Variants in FDX1 observed in about 807,000 individuals in gnomAD.
The protein encoded by FDX1 is adrenodoxin, mitochondrial.
FDX1 carries 9 observed loss-of-function variants against 14.9 expected under a neutral mutation model. The ratio of observed to expected loss-of-function variants is 0.60; its 90% confidence interval spans 0.36 to 1.05. The LOEUF is 1.05. FDX1 is among the 50% of genes least tolerant of loss of function. The probability of loss-of-function intolerance (pLI) is 0.01; values close to 1 mark genes in which losing one functional copy is unlikely to be tolerated. For missense variants in FDX1, 204 were observed against 237.2 expected, an observed-to-expected ratio of 0.86 and a Z score of 0.92; for synonymous variants, 92 against 99.4, an observed-to-expected ratio of 0.93 and a Z score of 0.44.
intron 2 of FDX1, among the ~76,000 whole-genome samples, chr11:110,453,549 T>C (rs1292639043): frequency 6.6e-6 from 1 of 151,204 alleles, no homozygotes; most frequent in Non-Finnish European, 1.5e-5. Flanking sequence ...ATTTACCTTA[T>C]TTTTGCAGGT....
At chr11:110,432,666 A>G (rs1946339364) in intron 1 of FDX1, among the ~76,000 whole-genome samples, 1 of 152,114 alleles carries the variant, frequency 6.6e-6, no homozygotes, top group African/African-American at 2.4e-5. Flanking sequence ...ATGAGATTTC[A>G]CTATGTTGAC....
chr11:110,429,905 C>A, upstream of FDX1: 2 of 337,194 alleles, frequency 5.9e-6, no homozygotes, highest in Non-Finnish European at 1.1e-5. Context: ...CGGGGCGGGG[C>A]CGCGCTCTGC....
intron 2 of FDX1, among the ~76,000 whole-genome samples, chr11:110,455,133 A>C (rs1441885658): frequency 6.6e-6 from 1 of 152,054 alleles, no homozygotes; most frequent in Non-Finnish European, 1.5e-5. Flanking sequence ...CAGCCTCCCG[A>C]GTAGCTGGGA....
intron 2 of FDX1, among the ~76,000 whole-genome samples, chr11:110,437,086 C>T (rs183598424): frequency 6.2e-4 from 95 of 152,322 alleles, no homozygotes; most frequent in African/African-American, 2.1e-3. Context: ...GCCTCGACCT[C>T]CTGGACTCAA....
chr11:110,436,720 G>A (rs1034346264), intron 2 of FDX1, among the ~76,000 whole-genome samples: 1 of 152,022 alleles, frequency 6.6e-6, no homozygotes, highest in African/African-American at 2.4e-5. Flanking sequence ...GGTTCAAGGA[G>A]CGTATCTGAC....
At position 110,463,433 on chromosome 11, in the gene FDX1, G is replaced by GT. The variant is rs1274597211; in HGVS notation, c.*966dup. 2.0e-5 allele frequency: 3 copies of GT among 152,214 alleles called. No homozygotes were observed. Among genetic ancestry groups the GT allele is most frequent in the Non-Finnish European group, 4.4e-5 (3 of 68,048 alleles). 9.4% of individuals were successfully genotyped at this position (152,214 alleles called of 1,614,324 possible). ...AGTGGCAAGCACCACAGATTACCAC[G>GT]TATGTGTGGAAGACATTCGTACTCT... is the stretch of plus-strand genomic sequence containing the variant. On this transcript the variant is annotated 3_prime_UTR_variant, in exon 4 of 4. Coordinates refer to ENST00000260270, the MANE Select transcript of FDX1 (RefSeq NM_004109.5).
At position 110,456,754 on chromosome 11, in the gene FDX1, C is replaced by G. The variant is rs141189026; in HGVS notation, c.311-164C>G. On this transcript the variant is annotated intron_variant, in intron 2 of 3. Transcript: ENST00000260270. ...CGAACTCTGACCTCAAGTGATCTGC[C>G]TGCTTTGGCCTCCTAAAGTGCTGGG... Among the ~76,000 whole-genome samples the G allele has an allele frequency of 3.3e-5, 5 of 152,172 alleles. No individual in the cohort carries two copies. The East Asian group carries it at 9.6e-4, about 29-fold the overall frequency.
upstream of FDX1, among the ~76,000 whole-genome samples, chr11:110,429,398 T>C (rs1402673859): frequency 2.0e-5 from 3 of 152,292 alleles, no homozygotes; most frequent in East Asian, 5.8e-4. Context: ...GAAAGTCTTT[T>C]AGAGATCTCA....
intron 2 of FDX1, among the ~76,000 whole-genome samples, chr11:110,447,645 A>G (rs1262504082): frequency 6.6e-6 from 1 of 151,610 alleles, no homozygotes; most frequent in East Asian, 1.9e-4. Flanking sequence ...CAAAATTCCT[A>G]CCTTTGAGAC....
At chr11:110,460,391 C>T (rs577832231) in intron 3 of FDX1, among the ~76,000 whole-genome samples, 44 of 152,214 alleles carry the variant, frequency 2.9e-4, no homozygotes, top group Non-Finnish European at 5.9e-4. Flanking sequence ...TCCTTGTTTA[C>T]GCTGTGCAGC....
chr11:110,446,005 A>G (rs1946447647), intron 2 of FDX1, among the ~76,000 whole-genome samples: 1 of 152,236 alleles, frequency 6.6e-6, no homozygotes, highest in South Asian at 2.1e-4. Flanking sequence ...TTTAATGTAA[A>G]TTTAAAAATT....
chr11:110,438,451 A>G (rs1226583654), intron 2 of FDX1, among the ~76,000 whole-genome samples: 1 of 151,930 alleles, frequency 6.6e-6, no homozygotes, highest in Non-Finnish European at 1.5e-5. Context: ...TTTTTGACAC[A>G]AAGTCTCACT....
rs1475349902 is a variant in FDX1, at chr11:110,461,445, T to C, written c.441-909T>C. Among the ~76,000 whole-genome samples, 3 of 141,676 alleles carry C rather than the reference T, an allele frequency of 2.1e-5. No homozygotes were observed. In the East Asian group the frequency reaches 6.1e-4, roughly 29 times the overall value. 92.9% of individuals were successfully genotyped at this position (141,676 alleles called of 152,430 possible). A position where few individuals can be genotyped will look rare whatever the true frequency, so the allele number is the denominator to read the frequency against. ...TGGGAGGTGGAGGTTAACAGTGAGC[T>C]GAAATCATGCCAGTGCACTCCAGCC... is the stretch of plus-strand genomic sequence containing the variant. On this transcript the variant is annotated intron_variant, in intron 3 of 3. Coordinates refer to ENST00000260270, the MANE Select transcript of FDX1 (RefSeq NM_004109.5).
intron 2 of FDX1, among the ~76,000 whole-genome samples, chr11:110,446,979 A>T (rs1157102367): frequency 6.6e-6 from 1 of 152,208 alleles, no homozygotes; most frequent in Non-Finnish European, 1.5e-5. Flanking sequence ...GTTTGAGACC[A>T]GCCTGGGCAA....
At chr11:110,447,402 C>T (rs938860746) in intron 2 of FDX1, among the ~76,000 whole-genome samples, 4 of 151,476 alleles carry the variant, frequency 2.6e-5, no homozygotes, top group Admixed American at 1.3e-4. Context: ...TGCAGTGAGC[C>T]GAGATTGCAC....
intron 2 of FDX1, among the ~76,000 whole-genome samples, chr11:110,447,187 A>G (rs1946455621): frequency 6.7e-6 from 1 of 149,866 alleles, no homozygotes; most frequent in South Asian, 2.2e-4. Context: ...GAAAAAAAAA[A>G]AAAAAACCGA....
chr11:110,449,956 T>C (rs1374632219), intron 2 of FDX1, among the ~76,000 whole-genome samples: 1 of 152,118 alleles, frequency 6.6e-6, no homozygotes, highest in Non-Finnish European at 1.5e-5. Flanking sequence ...CACAAATTCC[T>C]CCTAACTGAA....
chr11:110,448,131 C>T (rs936297621), intron 2 of FDX1, among the ~76,000 whole-genome samples: 2 of 152,120 alleles, frequency 1.3e-5, no homozygotes, highest in Admixed American at 6.6e-5. Flanking sequence ...CAGTTACACA[C>T]CTGAGATTCA....
chr11:110,462,591 A>G lies in FDX1; in HGVS notation c.*123A>G, dbSNP rs780575363. 2.0e-4 allele frequency: 92 copies of G among 459,522 alleles called. No individual in the cohort carries two copies. The highest frequency in any genetic ancestry group is 3.1e-4 in the Non-Finnish European group (82 of 263,650). 28.5% of individuals were successfully genotyped at this position (459,522 alleles called of 1,614,324 possible). On this transcript the variant is annotated 3_prime_UTR_variant, in exon 4 of 4. Coordinates refer to ENST00000260270, the MANE Select transcript of FDX1 (RefSeq NM_004109.5). The stretch of plus-strand genomic sequence containing the variant: ...TATTATGACTAGCTTTACTATTTTA[A>G]TTCACCTTGCATAACTACTGAATTT...
Sources: gnomAD v4.1 joint callset for allele counts (sites outside exome capture counted in the v4.1 genomes callset) on GRCh38, gnomAD v4.1.1 for gene constraint, MANE v1.5 for transcripts, NCBI Gene and HGNC (gene_info 2026-07-23, HGNC 2026-07-21) for gene names.